RERE: variants seen among roughly 807,000 people sequenced by gnomAD.
RERE encodes arginine-glutamic acid dipeptide repeats protein.
RERE carries 40 observed loss-of-function variants against 146.1 expected under a neutral mutation model. That is an observed-to-expected ratio of 0.27 (90% CI 0.21 to 0.36). RERE has a LOEUF of 0.36. Among genes scored for constraint, RERE ranks in the 10% least tolerant of loss-of-function variants. The pLI is 1.00. For missense variants in RERE, 1,933 were observed against 2,138.7 expected (o/e 0.90, Z 1.90); for synonymous variants, 1,003 against 866.0 (o/e 1.16, Z -2.78).
At chr1:8,459,349 A>G (rs941427012) in intron 11 of RERE, among the ~76,000 whole-genome samples, 1 of 152,148 alleles carries the variant, frequency 6.6e-6, no homozygotes, top group African/African-American at 2.4e-5. Flanking sequence ...TCCTACTCTC[A>G]TATATACAAA....
rs77736662 is a variant in RERE at position 8,529,640 on chromosome 1, G to C, written c.830+11574C>G. Among the ~76,000 whole-genome samples, 908 of 151,956 alleles carry C rather than the reference G, an allele frequency of 6.0e-3. 7 individuals carry two copies. The highest frequency in any genetic ancestry group is 0.021 in the African/African-American group (881 of 41,438). On this transcript the variant is annotated intron_variant, in intron 7 of 22. Coordinates refer to ENST00000400908, the MANE Select transcript of RERE (RefSeq NM_001042681.2). ...CATGGCATCTGGAGAGCTGACACAA[G>C]GGGCAATGAATGACCTGCCTCCCTG...
intron 1 of RERE, among the ~76,000 whole-genome samples, chr1:8,758,524 T>TAA (rs1345647820): frequency 4.6e-5 from 7 of 151,852 alleles, no homozygotes; most frequent in Non-Finnish European, 8.8e-5. Flanking sequence ...CCTAAGTAGC[T>TAA]GGGACTACAG....
chr1:8,791,080 G>A (rs1167534937), intron 1 of RERE, among the ~76,000 whole-genome samples: 2 of 152,158 alleles, frequency 1.3e-5, no homozygotes, highest in African/African-American at 2.4e-5. Context: ...TTTGGATTCA[G>A]GAGAATACAA....
At chr1:8,606,615 A>G (rs1646712918) in intron 4 of RERE, among the ~76,000 whole-genome samples, 1 of 152,180 alleles carries the variant, frequency 6.6e-6, no homozygotes, top group African/African-American at 2.4e-5. Context: ...GAGGAGGGAA[A>G]AGCCAAAAGG....
At chr1:8,509,256 T>C (rs1244621981) in intron 7 of RERE, among the ~76,000 whole-genome samples, 1 of 152,106 alleles carries the variant, frequency 6.6e-6, no homozygotes, top group Non-Finnish European at 1.5e-5. Flanking sequence ...CCCTATACCA[T>C]CATTCTTTCA....
At position 8,547,078 on chromosome 1, in the gene RERE, CTTT is replaced by C. The variant is rs35269094; in HGVS notation, c.726-5763_726-5761del. Among the ~76,000 whole-genome samples, 532 of 143,006 alleles carry C rather than the reference CTTT, an allele frequency of 3.7e-3. 1 individual carries two copies. Among genetic ancestry groups the C allele is most frequent in the Non-Finnish European group, 5.3e-3 (352 of 65,924 alleles). The allele number at this position is 143,006 out of a possible 152,430, so 93.8% of individuals were successfully genotyped here. ...CAATCCCAGTACAAATACCAACAAG[CTTT>C]TTTTTTAAAAAAAAAAAAACAAAAT... On this transcript the variant is annotated intron_variant, in intron 6 of 22. Coordinates refer to ENST00000400908, the MANE Select transcript of RERE (RefSeq NM_001042681.2).
intron 1 of RERE, among the ~76,000 whole-genome samples, chr1:8,811,046 G>C (rs1481079674): frequency 6.6e-6 from 1 of 152,188 alleles, no homozygotes; most frequent in Non-Finnish European, 1.5e-5. Flanking sequence ...AAAATAAGGT[G>C]TTAGAATAAG....
At chr1:8,428,149 G>C (rs1173380924) in intron 11 of RERE, among the ~76,000 whole-genome samples, 1 of 152,150 alleles carries the variant, frequency 6.6e-6, no homozygotes, top group South Asian at 2.1e-4. Flanking sequence ...GGATGCCAAG[G>C]GTAAAGGAGG....
intron 4 of RERE, among the ~76,000 whole-genome samples, chr1:8,571,166 C>A (rs918771911): frequency 1.3e-5 from 2 of 152,102 alleles, no homozygotes; most frequent in Non-Finnish European, 2.9e-5. Flanking sequence ...CTGGCCATTT[C>A]AAAAATGATA....
In RERE at chr1:8,692,159, C is replaced by T. The variant is rs542656472; in HGVS notation, c.-144-35718G>A. On this transcript the variant is annotated intron_variant, in intron 1 of 22. Coordinates refer to ENST00000400908, the MANE Select transcript of RERE (RefSeq NM_001042681.2). The stretch of plus-strand genomic sequence containing the variant: ...TTATAAAATGAAATGTTTTGGAAAA[C>T]GAAGAACACAGGGAAACTGAGGGGA... 5.3e-5 allele frequency among the ~76,000 whole-genome samples: 8 copies of T among 152,004 alleles called. No individual in the cohort carries two copies. The South Asian group carries it at 8.3e-4, about 16-fold the overall frequency.
At chr1:8,642,068 A>G (rs1557451922) in intron 2 of RERE, among the ~76,000 whole-genome samples, 2 of 152,224 alleles carry the variant, frequency 1.3e-5, no homozygotes, top group Admixed American at 1.3e-4. Context: ...AAATCAGGAT[A>G]TATTTTATAT....
Position 8,521,176 on chromosome 1 carries a change from C to CAAAAAA in RERE, c.831-12507_831-12502dup, listed in dbSNP as rs36115526. ...TTATGGAAGTAGAGCTTCTTTTTTTCAAAAAAAAAAAAAAAAAGAACTCCA... is the reference window on the plus strand; with the variant it reads ...TTATGGAAGTAGAGCTTCTTTTTTTCAAAAAAAAAAAAAAAAAAAAAAAGAACTCCA... On this transcript the variant is annotated intron_variant, in intron 7 of 22. Coordinates refer to ENST00000400908, the MANE Select transcript of RERE (RefSeq NM_001042681.2). 8.8e-4 allele frequency among the ~76,000 whole-genome samples: 97 copies of CAAAAAA among 109,922 alleles called. 3 individuals carry two copies. The highest frequency in any genetic ancestry group is 1.6e-3 in the African/African-American group (44 of 28,170). 72.1% of individuals were successfully genotyped at this position (109,922 alleles called of 152,430 possible). A position where few individuals can be genotyped will look rare whatever the true frequency, so the allele number is the denominator to read the frequency against.
intron 3 of RERE, among the ~76,000 whole-genome samples, chr1:8,617,215 G>A (rs576268456): frequency 3.3e-5 from 5 of 151,786 alleles, no homozygotes; most frequent in African/African-American, 1.2e-4. Context: ...GTGGTGGCAG[G>A]TGTCTGTAAT....
chr1:8,805,893 C>T (rs1430614384), intron 1 of RERE: 1 of 113,656 alleles, frequency 8.8e-6, no homozygotes. Flanking sequence ...CACTTGTTTT[C>T]CAGGCTGGAG....
chr1:8,480,672 G>T (rs2124179304), intron 10 of RERE, among the ~76,000 whole-genome samples: 1 of 152,146 alleles, frequency 6.6e-6, no homozygotes, highest in African/African-American at 2.4e-5. Context: ...CTGACCTAAG[G>T]TGATCCACCC....
chr1:8,369,890 C>G (rs1011215555), intron 12 of RERE, among the ~76,000 whole-genome samples: 1 of 152,076 alleles, frequency 6.6e-6, no homozygotes, highest in Non-Finnish European at 1.5e-5. Context: ...CCCGGGTTCA[C>G]GCCATTCTCC....
chr1:8,800,552 A>T (rs761260675), intron 1 of RERE, among the ~76,000 whole-genome samples: 6 of 152,160 alleles, frequency 3.9e-5, no homozygotes, highest in Non-Finnish European at 7.4e-5. Context: ...GCACTGTGGT[A>T]CACACCTGTA....
At chr1:8,684,226 CA>C (rs1639036443) in intron 1 of RERE, among the ~76,000 whole-genome samples, 1 of 152,042 alleles carries the variant, frequency 6.6e-6, no homozygotes, top group South Asian at 2.1e-4. Flanking sequence ...TCAAGGTGTG[CA>C]AAAAGCCTTC....
intron 12 of RERE, among the ~76,000 whole-genome samples, chr1:8,405,864 T>C (rs1056554672): frequency 6.6e-6 from 1 of 152,140 alleles, no homozygotes; most frequent in African/African-American, 2.4e-5. Context: ...CTTGATCTCC[T>C]GACCTCATGA....
Sources: allele counts gnomAD v4.1 joint callset (sites outside exome capture counted in the v4.1 genomes callset), GRCh38; gene constraint gnomAD v4.1.1; transcripts MANE v1.5; gene names NCBI Gene and HGNC (gene_info 2026-07-23, HGNC 2026-07-21).